Variants in LRGUK observed in about 807,000 individuals in gnomAD.
LRGUK encodes the protein leucine rich repeats and guanylate kinase domain containing.
Under a neutral mutation model 76.0 loss-of-function variants are expected in LRGUK, and 65 were observed. The ratio of observed to expected loss-of-function variants is 0.85; its 90% CI spans 0.70 to 1.05. LRGUK has a LOEUF of 1.05. LRGUK is among the 50% of genes least tolerant of loss of function. The pLI is 0.00. For synonymous variants in LRGUK, 268 were observed against 265.6 expected (o/e 1.01, Z -0.09); for missense variants, 758 against 732.8 (o/e 1.03, Z -0.40).
intron 3 of LRGUK, among the ~76,000 whole-genome samples, chr7:134,141,991 G>A (rs1020548031): frequency 3.3e-5 from 5 of 152,178 alleles, no homozygotes; most frequent in Non-Finnish European, 5.9e-5. Flanking sequence ...GATACCAGGA[G>A]GCCCCTTACA....
intron 15 of LRGUK, among the ~76,000 whole-genome samples, chr7:134,208,240 A>G (rs1801088063): frequency 6.6e-6 from 1 of 152,138 alleles, no homozygotes; most frequent in Non-Finnish European, 1.5e-5. Context: ...ATAACTCTTC[A>G]CAGAGCTCAC....
downstream of LRGUK, among the ~76,000 whole-genome samples, chr7:134,265,165 G>C (rs1407414293): frequency 6.6e-6 from 1 of 152,076 alleles, no homozygotes; most frequent in Admixed American, 6.6e-5. Flanking sequence ...TGTATTCCAA[G>C]AATCTTCAAG....
intron 3 of LRGUK, 63 bp downstream of exon 3, chr7:134,139,580 T>C: frequency 1.1e-6 from 1 of 951,482 alleles, no homozygotes; most frequent in Non-Finnish European, 1.7e-6. Context: ...TTGCAGTATG[T>C]AATATGGTTT....
At chr7:134,191,114 G>T (rs1383067027) in intron 11 of LRGUK, among the ~76,000 whole-genome samples, 1 of 152,188 alleles carries the variant, frequency 6.6e-6, no homozygotes, top group Non-Finnish European at 1.5e-5. Flanking sequence ...TCAGGTGGTG[G>T]AGGGGATGGG....
intron 16 of LRGUK, among the ~76,000 whole-genome samples, chr7:134,237,541 T>A (rs924559559): frequency 6.6e-6 from 1 of 152,220 alleles, no homozygotes; most frequent in African/African-American, 2.4e-5. Flanking sequence ...CTTTTCAAGT[T>A]GGCATCTGTG....
intron 5 of LRGUK, among the ~76,000 whole-genome samples, chr7:134,153,113 G>A (rs1252047382): frequency 6.6e-6 from 1 of 151,884 alleles, no homozygotes; most frequent in Non-Finnish European, 1.5e-5. Context: ...GTCAAGCATA[G>A]GTCAATGGTG....
intron 16 of LRGUK, among the ~76,000 whole-genome samples, chr7:134,227,282 G>C (rs1029451373): frequency 6.6e-6 from 1 of 152,096 alleles, no homozygotes; most frequent in Admixed American, 6.5e-5. Flanking sequence ...TAAACTTAGC[G>C]AACGATGCTT....
chr7:134,168,464 A>T (rs1799092173), intron 7 of LRGUK, among the ~76,000 whole-genome samples: 1 of 152,128 alleles, frequency 6.6e-6, no homozygotes, highest in South Asian at 2.1e-4. Context: ...TGCTTGGTTG[A>T]TGTTTGAGCT....
intron 4 of LRGUK, among the ~76,000 whole-genome samples, chr7:134,144,534 C>T (rs1797893251): frequency 6.6e-6 from 1 of 152,160 alleles, no homozygotes; most frequent in Non-Finnish European, 1.5e-5. Flanking sequence ...GTATTGGACT[C>T]AAATATTTAA....
At chr7:134,200,464 A>T (rs550902577) in intron 14 of LRGUK, among the ~76,000 whole-genome samples, 1 of 152,314 alleles carries the variant, frequency 6.6e-6, no homozygotes, top group South Asian at 2.1e-4. Context: ...TTTACAATAT[A>T]GTATGCCATA....
downstream of LRGUK, among the ~76,000 whole-genome samples, chr7:134,266,233 C>T (rs1802852766): frequency 6.6e-6 from 1 of 151,160 alleles, no homozygotes; most frequent in African/African-American, 2.5e-5. Flanking sequence ...AATTAAACCA[C>T]TCACCATATC....
At chr7:134,134,822 C>T (rs970430785) in intron 1 of LRGUK, among the ~76,000 whole-genome samples, 9 of 152,172 alleles carry the variant, frequency 5.9e-5, no homozygotes, top group East Asian at 5.8e-4. Flanking sequence ...TGAAACATTA[C>T]GATGTGGAAT....
intron 1 of LRGUK, among the ~76,000 whole-genome samples, chr7:134,128,682 T>C (rs1797140154): frequency 6.6e-6 from 1 of 152,208 alleles, no homozygotes; most frequent in East Asian, 1.9e-4. Flanking sequence ...CCCGAGTAGC[T>C]GGGACTACAG....
intron 15 of LRGUK, among the ~76,000 whole-genome samples, chr7:134,217,280 T>G (rs1485312735): frequency 6.6e-6 from 1 of 152,114 alleles, no homozygotes; most frequent in Non-Finnish European, 1.5e-5. Context: ...TGTATGAAGT[T>G]TACTGGAAAA....
intron 17 of LRGUK, among the ~76,000 whole-genome samples, chr7:134,248,072 C>T (rs1362887393): frequency 6.6e-6 from 1 of 152,088 alleles, no homozygotes; most frequent in Admixed American, 6.5e-5. Flanking sequence ...CATGTCAAAA[C>T]AGAGTGATTA....
intron 15 of LRGUK, among the ~76,000 whole-genome samples, chr7:134,206,158 T>A (rs1563182358): frequency 6.6e-6 from 1 of 152,206 alleles, no homozygotes; most frequent in Non-Finnish European, 1.5e-5. Flanking sequence ...AATGCATGTA[T>A]AAAATACTAA....
At chr7:134,209,685 C>T in exon 16 of LRGUK, 1 of 399,580 alleles carries the variant, frequency 2.5e-6, no homozygotes, top group Non-Finnish European at 4.4e-6. Context: ...CTTCCACCAA[C>T]CCGGGAAGCA....
chr7:134,238,566 A>G (rs779119640), intron 16 of LRGUK, among the ~76,000 whole-genome samples: 2 of 151,736 alleles, frequency 1.3e-5, no homozygotes, highest in Non-Finnish European at 2.9e-5. Context: ...GTTTATTTCT[A>G]ATTCTTTCCT....
chr7:134,248,498 GA>G (rs1199528672), intron 17 of LRGUK, among the ~76,000 whole-genome samples: 1 of 152,128 alleles, frequency 6.6e-6, no homozygotes, highest in East Asian at 1.9e-4. Context: ...ATGAATAGAT[GA>G]AAAAGGATAT....
Sources: gnomAD v4.1 joint callset for allele counts (sites outside exome capture counted in the v4.1 genomes callset) on GRCh38, gnomAD v4.1.1 for gene constraint, MANE v1.5 for transcripts, NCBI Gene and HGNC (gene_info 2026-07-23, HGNC 2026-07-21) for gene names.